Variants in BANK1 observed in about 807,000 individuals in gnomAD.
BANK1 encodes the protein B-cell scaffold protein with ankyrin repeats.
In BANK1, 95 loss-of-function variants were observed where a neutral mutation model predicts 94.5. That is an observed-to-expected ratio of 1.00 (90% CI 0.85 to 1.19). The LOEUF (loss-of-function observed/expected upper bound fraction) is 1.19. BANK1 is among the 50% of genes most tolerant of loss of function. The probability of loss-of-function intolerance (pLI) is 0.00; values close to 1 mark genes in which losing one functional copy is unlikely to be tolerated. For missense variants in BANK1, 987 were observed against 932.2 expected (o/e 1.06, Z -0.77); for synonymous variants, 334 against 308.4 (o/e 1.08, Z -0.87).
At chr4:102,044,064 G>T (rs1441424699) in intron 11 of BANK1, among the ~76,000 whole-genome samples, 157 bp downstream of exon 11, 1 of 151,800 alleles carries the variant, frequency 6.6e-6, no homozygotes, top group Non-Finnish European at 1.5e-5. Flanking sequence ...AAGTTTTAGG[G>T]TACATGTGCA....
chr4:101,832,844 C>G (rs892449891), intron 2 of BANK1, among the ~76,000 whole-genome samples: 2 of 151,952 alleles, frequency 1.3e-5, no homozygotes, highest in Non-Finnish European at 2.9e-5. Context: ...TTCTCCTTTC[C>G]TCTTTTCCTC....
intron 2 of BANK1, among the ~76,000 whole-genome samples, chr4:101,831,958 A>T (rs1726639042): frequency 6.6e-6 from 1 of 152,228 alleles, no homozygotes; most frequent in Non-Finnish European, 1.5e-5. Flanking sequence ...CTAAGTGAAG[A>T]TCTGCTAACA....
intron 1 of BANK1, among the ~76,000 whole-genome samples, chr4:101,823,275 C>A (rs997416093): frequency 6.6e-6 from 1 of 152,096 alleles, no homozygotes; most frequent in African/African-American, 2.4e-5. Flanking sequence ...AAAAAATTTT[C>A]TTTTAATTCC....
intron 11 of BANK1, 66 bp downstream of exon 11, chr4:102,043,973 C>A: frequency 1.1e-6 from 1 of 909,580 alleles, no homozygotes; most frequent in Non-Finnish European, 1.8e-6. Context: ...CTTATGAATA[C>A]AGAGTAAAGC....
At position 101,804,108 on chromosome 4, in the gene BANK1, A is replaced by G. The variant is rs188668162; in HGVS notation, c.70+13158A>G. 9.9e-4 allele frequency among the ~76,000 whole-genome samples: 150 copies of G among 151,964 alleles called. 1 individual carries two copies. Among genetic ancestry groups the G allele is most frequent in the Non-Finnish European group, 1.8e-3 (121 of 67,954 alleles). On this transcript the variant is annotated intron_variant, in intron 1 of 16. Coordinates refer to ENST00000322953, the MANE Select transcript of BANK1 (RefSeq NM_017935.5). ...ATACTAGTCTGTTTTATTATTTACTACCTTAAAATACATACAAATCTGAAA... is the reference window on the plus strand; with the variant it reads ...ATACTAGTCTGTTTTATTATTTACTGCCTTAAAATACATACAAATCTGAAA...
intron 7 of BANK1, among the ~76,000 whole-genome samples, chr4:102,006,318 C>A (rs1385826490): frequency 1.3e-5 from 2 of 152,014 alleles, no homozygotes; most frequent in Admixed American, 1.3e-4. Context: ...GAATTCCCAG[C>A]AGAGTTATTA....
At position 102,016,999 on chromosome 4, in the gene BANK1, TG is replaced by T. The variant is rs572714506; in HGVS notation, c.1207-4513del. On this transcript the variant is annotated intron_variant, in intron 7 of 16. Coordinates refer to ENST00000322953, the MANE Select transcript of BANK1 (RefSeq NM_017935.5). The stretch of plus-strand genomic sequence containing the variant: ...GGAAAAGCAAATTTATAAAGATAGT[TG>T]GCCAGTGCAGACCATAGACTACATT... Among the ~76,000 whole-genome samples, 572 of 152,252 alleles carry T rather than the reference TG, an allele frequency of 3.8e-3. 3 individuals are homozygous for T. Among genetic ancestry groups the T allele is most frequent in the African/African-American group, 0.013 (545 of 41,554 alleles).
At chr4:101,974,886 A>G (rs1434252437) in intron 7 of BANK1, among the ~76,000 whole-genome samples, 3 of 151,994 alleles carry the variant, frequency 2.0e-5, no homozygotes, top group Non-Finnish European at 4.4e-5. Context: ...GAACCTGGGA[A>G]GTGGAGGTTG....
At chr4:101,820,896 C>T (rs1216931776) in intron 1 of BANK1, among the ~76,000 whole-genome samples, 1 of 152,016 alleles carries the variant, frequency 6.6e-6, no homozygotes, top group Non-Finnish European at 1.5e-5. Flanking sequence ...AGGTTGATAC[C>T]ATGTCTTTGC....
intron 10 of BANK1, among the ~76,000 whole-genome samples, chr4:102,041,645 C>T (rs1045478062): frequency 1.3e-5 from 2 of 152,014 alleles, no homozygotes; most frequent in Admixed American, 6.6e-5. Flanking sequence ...TACTACACGT[C>T]TGCTTTTAAA....
intron 4 of BANK1, among the ~76,000 whole-genome samples, chr4:101,867,447 C>T (rs1728116176): frequency 6.6e-6 from 1 of 150,602 alleles, no homozygotes; most frequent in African/African-American, 2.5e-5. Context: ...TAATGTAGGT[C>T]AGAAACTTAG....
At chr4:101,812,771 C>G (rs1391204131) in intron 1 of BANK1, among the ~76,000 whole-genome samples, 1 of 151,956 alleles carries the variant, frequency 6.6e-6, no homozygotes. Flanking sequence ...AAAGCAACCC[C>G]ACCAGGAATT....
intron 7 of BANK1, among the ~76,000 whole-genome samples, chr4:101,958,164 G>A (rs2631246): frequency 0.38 from 57,571 of 151,874 alleles, 11,421 homozygotes; most frequent in Non-Finnish European, 0.43. Flanking sequence ...TTATTTAGGC[G>A]TCAATGTTTG....
At chr4:102,004,928 T>C (rs1471427400) in intron 7 of BANK1, among the ~76,000 whole-genome samples, 1 of 152,114 alleles carries the variant, frequency 6.6e-6, no homozygotes, top group Non-Finnish European at 1.5e-5. Context: ...CTACGTGTAA[T>C]ATTCAGCAGA....
At chr4:101,959,085 A>G (rs570268115) in intron 7 of BANK1, among the ~76,000 whole-genome samples, 2 of 152,194 alleles carry the variant, frequency 1.3e-5, no homozygotes, top group South Asian at 4.1e-4. Flanking sequence ...GAAGATGTTT[A>G]CTTTCAGTAC....
At chr4:102,070,051 T>A (rs1212330520) in intron 13 of BANK1, among the ~76,000 whole-genome samples, 1 of 152,050 alleles carries the variant, frequency 6.6e-6, no homozygotes, top group Non-Finnish European at 1.5e-5. Context: ...CCAATTCTTG[T>A]CTCCTCAGAA....
rs74329503 is a variant in BANK1 at position 102,072,158 on chromosome 4, C to G, written c.2243-187C>G. On this transcript the variant is annotated intron_variant, in intron 14 of 16. Coordinates refer to ENST00000322953, the MANE Select transcript of BANK1 (RefSeq NM_017935.5). ...TCAGTATCCTACCCAAGTCAATCCA[C>G]ATGGGCAGGAGAAATTAACAGCACA... Among the ~76,000 whole-genome samples the G allele has an allele frequency of 9.5e-3, 1,450 of 152,310 alleles. 25 individuals carry two copies. Among genetic ancestry groups the G allele is most frequent in the African/African-American group, 0.032 (1,329 of 41,566 alleles).
intron 9 of BANK1, among the ~76,000 whole-genome samples, chr4:102,028,894 T>C (rs1272419841): frequency 1.3e-5 from 2 of 152,076 alleles, no homozygotes; most frequent in Admixed American, 6.6e-5. Context: ...GTCTTTCATC[T>C]GTTTTTTATT....
intron 10 of BANK1, among the ~76,000 whole-genome samples, chr4:102,039,390 C>T (rs1325381414): frequency 6.6e-6 from 1 of 152,096 alleles, no homozygotes; most frequent in South Asian, 2.1e-4. Flanking sequence ...TCAGATTAAT[C>T]AACATGACTG....
Sources: allele counts gnomAD v4.1 joint callset (sites outside exome capture counted in the v4.1 genomes callset), GRCh38; gene constraint gnomAD v4.1.1; transcripts MANE v1.5; gene names NCBI Gene and HGNC (gene_info 2026-07-23, HGNC 2026-07-21).